Variants in ATP6V1C2 observed in about 807,000 individuals in gnomAD.
ATP6V1C2 encodes the protein V-type proton ATPase subunit C 2.
A neutral mutation model predicts 56.8 loss-of-function variants in ATP6V1C2; 45 were observed. That is an observed-to-expected ratio of 0.79 (90% confidence interval 0.62 to 1.02). The LOEUF (loss-of-function observed/expected upper bound fraction) is 1.02, where lower values mean the gene tolerates loss of function less well. ATP6V1C2 is among the 50% of genes least tolerant of loss of function. The pLI, the probability that ATP6V1C2 is intolerant of heterozygous loss-of-function variation, is 0.00. For missense variants in ATP6V1C2, 463 were observed against 519.7 expected (o/e 0.89, Z 1.06); for synonymous variants, 220 against 201.3 (o/e 1.09, Z -0.79).
chr2:10,745,165 T>C (rs1313502116), intron 3 of ATP6V1C2, among the ~76,000 whole-genome samples: 1 of 142,318 alleles, frequency 7.0e-6, no homozygotes, highest in African/African-American at 2.6e-5. Flanking sequence ...TGCCTCAGCC[T>C]CCCGAGTATC....
At chr2:10,729,002 C>T (rs930373650) in intron 3 of ATP6V1C2, among the ~76,000 whole-genome samples, 8 of 148,458 alleles carry the variant, frequency 5.4e-5, no homozygotes, top group African/African-American at 1.2e-4. Context: ...CGGTGGCTGG[C>T]GCCTGTAATC....
At chr2:10,743,780 C>A (rs1662695383) in intron 3 of ATP6V1C2, among the ~76,000 whole-genome samples, 1 of 151,630 alleles carries the variant, frequency 6.6e-6, no homozygotes, top group East Asian at 2.0e-4. Flanking sequence ...AGGTCAGGAG[C>A]TCAAGACCAG....
chr2:10,730,365 T>G (rs1485837653), intron 3 of ATP6V1C2, among the ~76,000 whole-genome samples: 1 of 152,128 alleles, frequency 6.6e-6, no homozygotes, highest in Non-Finnish European at 1.5e-5. Context: ...ATCTTCCAGC[T>G]TCAGCCTCCC....
intron 10 of ATP6V1C2, 36 bp from the exon 11 acceptor site, chr2:10,777,549 T>C: frequency 3.1e-6 from 5 of 1,598,498 alleles, no homozygotes; most frequent in Non-Finnish European, 3.4e-6. Context: ...GATGCATGTT[T>C]GCTGAAAGAT....
rs1411447685 is a variant in ATP6V1C2 at position 10,750,790 on chromosome 2, C to T, written c.198-3191C>T. On this transcript the variant is annotated intron_variant, in intron 3 of 13. Coordinates refer to ENST00000272238, the MANE Select transcript of ATP6V1C2 (RefSeq NM_001039362.2). ...TGGTGATAGGAGACAGCAACTCCCA[C>T]AGGTCGCTGTGAGGATAAAAGAGGA... Among the ~76,000 whole-genome samples the T allele has an allele frequency of 2.0e-5, 3 of 152,156 alleles. No homozygotes were observed. In the East Asian group the frequency reaches 5.8e-4, roughly 29 times the overall value.
At chr2:10,753,735 T>A (rs994965737) in intron 3 of ATP6V1C2, among the ~76,000 whole-genome samples, 25 of 152,046 alleles carry the variant, frequency 1.6e-4, no homozygotes, top group Non-Finnish European at 2.5e-4. Context: ...TTCACCATGT[T>A]GGCCAGGATG....
chr2:10,762,756 A>C (rs1663992229), intron 4 of ATP6V1C2, among the ~76,000 whole-genome samples: 1 of 148,538 alleles, frequency 6.7e-6, no homozygotes, highest in Admixed American at 6.7e-5. Flanking sequence ...CCCTCCCTCC[A>C]CCCAGCCACC....
At chr2:10,741,780 G>A (rs971928271) in intron 3 of ATP6V1C2, among the ~76,000 whole-genome samples, 1 of 152,106 alleles carries the variant, frequency 6.6e-6, no homozygotes, top group African/African-American at 2.4e-5. Flanking sequence ...TAAATCCTTA[G>A]TGGTTTTCTG....
At position 10,763,570 on chromosome 2, in the gene ATP6V1C2, G is replaced by A. The variant is rs775313650; in HGVS notation, c.284-761G>A. Among the ~76,000 whole-genome samples, 29 of 152,290 alleles carry A rather than the reference G, an allele frequency of 1.9e-4. No homozygotes were observed. Among genetic ancestry groups the A allele is most frequent in the East Asian group, 5.8e-4 (3 of 5,184 alleles). The stretch of plus-strand genomic sequence containing the variant: ...ACAGGGAGCCTAGGCTGGGACATCC[G>A]CCATGGGAAGGGCCCTCTGCCAGGG... On this transcript the variant is annotated intron_variant, in intron 4 of 13. Coordinates refer to ENST00000272238, the MANE Select transcript of ATP6V1C2 (RefSeq NM_001039362.2). This position sits in a 1 kb window ranked among gnomAD's most constrained non-coding sequence, Gnocchi z 4.2.
chr2:10,782,813 G>A (rs904322100), intron 13 of ATP6V1C2, among the ~76,000 whole-genome samples: 11 of 97,660 alleles, frequency 1.1e-4, no homozygotes, highest in Non-Finnish European at 1.8e-4. Flanking sequence ...CCTGGCGACA[G>A]AACAAGACTC....
Position 10,784,287 on chromosome 2 carries a change from G to T in ATP6V1C2, c.*1024G>T. On this transcript the variant is annotated 3_prime_UTR_variant, in exon 14 of 14. Coordinates refer to ENST00000272238, the MANE Select transcript of ATP6V1C2 (RefSeq NM_001039362.2). ...AACTCATCTTTCCCTAAGTCATCAA[G>T]CTCCACATCACTGAGGTCAATGTCA... The T allele has an allele frequency of 6.2e-7, 1 of 1,613,322 alleles. No homozygotes were observed. Among genetic ancestry groups the T allele is most frequent in the Non-Finnish European group, 8.5e-7 (1 of 1,179,814 alleles).
At chr2:10,759,602 C>T (rs1388568557) in intron 4 of ATP6V1C2, among the ~76,000 whole-genome samples, 1 of 152,142 alleles carries the variant, frequency 6.6e-6, no homozygotes, top group African/African-American at 2.4e-5. Flanking sequence ...GAGGCCCAGG[C>T]TTTAGTGACT....
At chr2:10,725,587 G>C (rs948329334) in intron 2 of ATP6V1C2, among the ~76,000 whole-genome samples, 1 of 139,704 alleles carries the variant, frequency 7.2e-6, no homozygotes, top group African/African-American at 2.7e-5. Flanking sequence ...CTCCACCTCC[G>C]AGGTTCAAAT....
chr2:10,721,455 G>A (rs1174136313), upstream of ATP6V1C2, among the ~76,000 whole-genome samples: 5 of 152,238 alleles, frequency 3.3e-5, no homozygotes, highest in Admixed American at 3.3e-4. Flanking sequence ...GTAGGGGACT[G>A]GAGACCCTGC....
rs1200977037 is a variant in ATP6V1C2, at chr2:10,784,355, A to G, written c.*1092A>G. On this transcript the variant is annotated 3_prime_UTR_variant, in exon 14 of 14. Transcript: ENST00000272238. ...GGAGACGACAGAAAGCCACTGTTAG[A>G]TCTGCAGAAGGGGACACCCTGGAAG... 1.3e-6 allele frequency: 2 copies of G among 1,592,996 alleles called. No individual in the cohort carries two copies. Among genetic ancestry groups the G allele is most frequent in the Non-Finnish European group, 1.7e-6 (2 of 1,164,102 alleles).
intron 12 of ATP6V1C2, among the ~76,000 whole-genome samples, chr2:10,779,941 G>A (rs187330823): frequency 7.9e-5 from 12 of 152,190 alleles, no homozygotes; most frequent in East Asian, 5.8e-4. Flanking sequence ...GCTGCGTCCC[G>A]CGTCACGGAG....
chr2:10,725,228 A>G (rs555547840), intron 2 of ATP6V1C2, among the ~76,000 whole-genome samples: 1 of 152,074 alleles, frequency 6.6e-6, no homozygotes, highest in South Asian at 2.1e-4. Context: ...AGCATGGACA[A>G]CATGACCAAA....
At chr2:10,725,650 A>G (rs182250709) in intron 2 of ATP6V1C2, among the ~76,000 whole-genome samples, 1,778 of 151,318 alleles carry the variant, frequency 0.012, 37 homozygotes, top group African/African-American at 0.039. Context: ...ACATGCCACC[A>G]TGCCCGGCTA....
Position 10,784,400 on chromosome 2 carries a change from G to C in ATP6V1C2, c.*1137G>C. On this transcript the variant is annotated 3_prime_UTR_variant, in exon 14 of 14. Coordinates refer to ENST00000272238, the MANE Select transcript of ATP6V1C2 (RefSeq NM_001039362.2). ...TGGAAGGTCAACATCTCATTTTATG[G>C]AAGAGCGACTCTCTGGAGCTACTCC... is the stretch of plus-strand genomic sequence containing the variant. 2.6e-6 allele frequency: 3 copies of C among 1,138,164 alleles called. No individual in the cohort carries two copies. In the South Asian group the frequency reaches 4.1e-5, roughly 16 times the overall value. 70.5% of individuals were successfully genotyped at this position (1,138,164 alleles called of 1,614,324 possible).
Sources: gnomAD v4.1 joint callset for allele counts (sites outside exome capture counted in the v4.1 genomes callset) on GRCh38, gnomAD v4.1.1 for gene constraint, Gnocchi (gnomAD v3.1) non-coding constraint, MANE v1.5 for transcripts, NCBI Gene and HGNC (gene_info 2026-07-23, HGNC 2026-07-21) for gene names.